OGT: variants seen among roughly 807,000 people sequenced by gnomAD.
The protein encoded by OGT is O-linked N-acetylglucosamine (GlcNAc) transferase.
OGT carries 3 observed loss-of-function variants against 75.8 expected under a neutral mutation model. That is an observed-to-expected ratio of 0.04 (90% CI 0.02 to 0.10). The LOEUF is 0.10. OGT is among the 10% of genes least tolerant of loss of function. The probability of loss-of-function intolerance (pLI) is 1.00; values close to 1 mark genes in which losing one functional copy is unlikely to be tolerated. For synonymous variants in OGT, 257 were observed against 289.7 expected, an observed-to-expected ratio of 0.89 and a Z score of 1.15; for missense variants, 260 against 824.4, an observed-to-expected ratio of 0.32 and a Z score of 8.38.
chrX:71,536,592 A>G (rs2040177422), intron 2 of OGT: 2 of 293,194 alleles, frequency 6.8e-6, no homozygotes, highest in South Asian at 1.2e-4. Context: ...AGATTTTTCT[A>G]TCTGGGTCTG....
chrX:71,564,555 A>G (rs1450845476), intron 18 of OGT, 46 bp from the exon 19 acceptor site: 2 of 1,029,056 alleles, frequency 1.9e-6, no homozygotes, highest in East Asian at 3.1e-5. Flanking sequence ...GAAATATTGG[A>G]CTCCTTTTGC....
chrX:71,552,262 AAAAT>A (rs753737540), intron 5 of OGT, among the ~76,000 whole-genome samples: 8 of 111,360 alleles, frequency 7.2e-5, no homozygotes, highest in Non-Finnish European at 9.4e-5. Context: ...TCCGTCTCCA[AAAAT>A]AAATAAATAA....
At chrX:71,535,125 G>GTTT (rs762135465) in intron 1 of OGT, among the ~76,000 whole-genome samples, 1 of 88,208 alleles carries the variant, frequency 1.1e-5, no homozygotes, top group Non-Finnish European at 2.3e-5. Flanking sequence ...GTGACAAGCA[G>GTTT]TTTTTTTTTT....
At position 71,559,577 on chromosome X, in the gene OGT, C is replaced by T; in HGVS notation, c.1762-11C>T. 3.3e-6 allele frequency: 4 copies of T among 1,200,283 alleles called. No individual in the cohort carries two copies. Among genetic ancestry groups the T allele is most frequent in the Non-Finnish European group, 4.5e-6 (4 of 887,084 alleles). The stretch of plus-strand genomic sequence containing the variant: ...CCAATGTTATTAAATATGCCATGTG[C>T]TGCCTTTCAGGTGTTCTGTTATGCC... On this transcript the variant is annotated splice_polypyrimidine_tract_variant and intron_variant, in intron 13 of 21. Coordinates refer to ENST00000373719, the MANE Select transcript of OGT (RefSeq NM_181672.3).
chrX:71,543,760 GTGTGTGTATATA>G (rs1216082805), intron 3 of OGT, among the ~76,000 whole-genome samples: 5 of 62,545 alleles, frequency 8.0e-5, no homozygotes, highest in African/African-American at 6.2e-4. Flanking sequence ...GTGTGTGTGT[GTGTGTGTATATA>G]TATATATATA....
chrX:71,568,085 A>G lies in OGT; in HGVS notation c.2935A>G (p.Ile979Val), dbSNP rs1316042022. The change falls in exon 21 of 22, where the codon ATA becomes GTA. Residue 979 changes from isoleucine (I) to valine (V), a missense_variant. Physicochemically the swap from Ile to Val is conservative, Grantham distance 29. Around this residue, in one of 6 missense-constraint regions of OGT, gnomAD observed 34 missense variants for 57.5 expected, o/e 0.59. Coordinates refer to ENST00000373719, the MANE Select transcript of OGT (RefSeq NM_181672.3). ...TAAAAACAGACAAGAATATGAAGAC[A>G]TAGCTGTGAAGCTGGGAACTGATCT... is the stretch of plus-strand genomic sequence containing the variant. ...IAKNRQEYED[I>V]AVKLGTDLEY... The G allele has an allele frequency of 8.3e-7, 1 of 1,206,432 alleles. No individual in the cohort carries two copies. The highest frequency in any genetic ancestry group is 1.1e-6 in the Non-Finnish European group (1 of 893,395).
intron 1 of OGT, among the ~76,000 whole-genome samples, chrX:71,534,106 T>C (rs1946461740): frequency 9.0e-6 from 1 of 110,567 alleles, no homozygotes; most frequent in South Asian, 3.9e-4. Context: ...CTTCCTATCC[T>C]TGGGGGAGAA....
At chrX:71,543,188 CAT>C (rs1225204686) in intron 3 of OGT, among the ~76,000 whole-genome samples, 1 of 111,728 alleles carries the variant, frequency 9.0e-6, no homozygotes, top group African/African-American at 3.3e-5. Context: ...CAGAGCAAAT[CAT>C]ATATATGATG....
Position 71,533,316 on chromosome X carries a change from G to A in OGT, c.17G>A (p.Gly6Asp). The A allele has an allele frequency of 1.7e-6, 2 of 1,200,302 alleles. No homozygotes were observed. The highest frequency in any genetic ancestry group is 1.1e-6 in the Non-Finnish European group (1 of 889,657). ...AAGCTCCAGATGGCGTCTTCCGTGG[G>A]CAACGTGGCCGACAGCACAGGTACC... The part of the protein sequence containing the change: MASSV[G>D]NVADSTEPTK... Residue 6 changes from glycine to aspartate, a missense_variant, in exon 1 of 22, where the codon GGC becomes GAC. Around this residue, in one of 6 missense-constraint regions of OGT, gnomAD observed 38 missense variants for 117.1 expected, o/e 0.32. Coordinates refer to ENST00000373719, the MANE Select transcript of OGT (RefSeq NM_181672.3).
At chrX:71,570,366 C>T (rs1036638244) in intron 21 of OGT, among the ~76,000 whole-genome samples, 5 of 111,471 alleles carry the variant, frequency 4.5e-5, no homozygotes, top group African/African-American at 1.3e-4. Flanking sequence ...GTTTTTCTTT[C>T]GGTATAATGG....
chrX:71,542,930 G>A (rs1486317050), intron 3 of OGT, among the ~76,000 whole-genome samples: 1 of 111,922 alleles, frequency 8.9e-6, no homozygotes, highest in Non-Finnish European at 1.9e-5. Flanking sequence ...TTGAGGATTA[G>A]TATTAGCCTT....
At chrX:71,573,171 T>C (rs1263690719) in intron 21 of OGT, among the ~76,000 whole-genome samples, 1 of 112,542 alleles carries the variant, frequency 8.9e-6, no homozygotes, top group African/African-American at 3.2e-5. Flanking sequence ...TGGTCCTGTA[T>C]GTTTTTGCAT....
At position 71,567,605 on chromosome X, in the gene OGT, C is replaced by T. The variant is rs772525369; in HGVS notation, c.2695C>T (p.Arg899Cys). ...ACAAAACATGGGCCTGCCCCAGAAC[C>T]GTATCATTTTTTCACCTGTTGCTCC... ...YAQNMGLPQN[R>C]IIFSPVAPKE... The change falls in exon 20 of 22, where the codon CGT becomes TGT. Residue 899 changes from arginine (R) to cysteine (C), a missense_variant. Physicochemically the swap from Arg to Cys is radical, Grantham distance 180. This residue lies in a region of OGT where 79 missense variants were observed against 141.0 expected (regional missense o/e 0.56). Transcript: ENST00000373719. The T allele has an allele frequency of 5.8e-6, 7 of 1,209,482 alleles. No homozygotes were observed. Among genetic ancestry groups the T allele is most frequent in the Non-Finnish European group, 7.8e-6 (7 of 894,603 alleles).
intron 1 of OGT, chrX:71,534,159 C>G (rs754069177): frequency 9.0e-6 from 1 of 111,102 alleles, no homozygotes; most frequent in South Asian, 3.9e-4. Flanking sequence ...ACCCTGCCCG[C>G]CCAATTCTCG....
chrX:71,535,335 C>T (rs192909158), intron 1 of OGT, among the ~76,000 whole-genome samples: 2,432 of 111,558 alleles, frequency 0.022, 34 homozygotes, highest in Non-Finnish European at 0.035. Context: ...GGCTTGTTTG[C>T]AATGTCTTAA....
At chrX:71,569,919 A>G (rs2040443197) in intron 21 of OGT, among the ~76,000 whole-genome samples, 2 of 103,978 alleles carry the variant, frequency 1.9e-5, no homozygotes, top group African/African-American at 3.6e-5. Flanking sequence ...TATTTTTAGT[A>G]GAGACGGGGT....
At chrX:71,548,143 G>A in intron 5 of OGT, 120 bp downstream of exon 5, 1 of 704,843 alleles carries the variant, frequency 1.4e-6, no homozygotes, top group Non-Finnish European at 2.1e-6. Context: ...GGCGGTATAG[G>A]CAGTATGTGA....
intron 19 of OGT, among the ~76,000 whole-genome samples, chrX:71,565,585 C>T (rs2040411530): frequency 9.0e-6 from 1 of 111,630 alleles, no homozygotes; most frequent in African/African-American, 3.3e-5. Flanking sequence ...TTTGGTTTCT[C>T]CTTCCAGTGT....
chrX:71,556,899 G>A, intron 9 of OGT, 53 bp from the exon 10 acceptor site: 3 of 1,161,804 alleles, frequency 2.6e-6, no homozygotes, highest in African/African-American at 1.8e-5. Context: ...TAGCATTACA[G>A]TGGGTTAAAG....
Sources: gnomAD v4.1 joint callset for allele counts (sites outside exome capture counted in the v4.1 genomes callset) on GRCh38, gnomAD v4.1.1 for gene constraint, gnomAD v4.1.1 regional missense constraint, MANE v1.5 for transcripts, NCBI Gene and HGNC (gene_info 2026-07-23, HGNC 2026-07-21) for gene names.